Variants in CFAP299 observed in about 807,000 individuals in gnomAD.
CFAP299 encodes cilia- and flagella-associated protein 299.
A neutral mutation model predicts 27.0 loss-of-function variants in CFAP299; 21 were observed. The ratio of observed to expected loss-of-function variants is 0.78; its 90% CI spans 0.55 to 1.12. CFAP299 has a LOEUF of 1.12. Among genes scored for constraint, CFAP299 ranks in the 50% most tolerant of loss-of-function variants. CFAP299 has a pLI of 0.00. For synonymous variants in CFAP299, 104 were observed against 98.1 expected (o/e 1.06, Z -0.36); for missense variants, 310 against 276.6 (o/e 1.12, Z -0.86).
upstream of CFAP299, among the ~76,000 whole-genome samples, chr4:80,334,229 A>G (rs1722039389): frequency 6.6e-6 from 1 of 152,216 alleles, no homozygotes; most frequent in Admixed American, 6.5e-5. Flanking sequence ...CACAATCACA[A>G]TTGATATAAT....
chr4:80,402,489 C>G (rs559261940), intron 2 of CFAP299, among the ~76,000 whole-genome samples: 1 of 152,294 alleles, frequency 6.6e-6, no homozygotes, highest in South Asian at 2.1e-4. Context: ...TCTGTTGCCA[C>G]CACCATGTAA....
At chr4:80,780,071 G>A (rs1433426092) in intron 3 of CFAP299, among the ~76,000 whole-genome samples, 4 of 151,742 alleles carry the variant, frequency 2.6e-5, no homozygotes, top group East Asian at 1.9e-4. Flanking sequence ...TGCCACAATT[G>A]TTCATTTTAT....
At chr4:80,492,681 G>A (rs1211245713) in intron 2 of CFAP299, among the ~76,000 whole-genome samples, 2 of 152,122 alleles carry the variant, frequency 1.3e-5, no homozygotes, top group Non-Finnish European at 2.9e-5. Flanking sequence ...ATTAAGGTAT[G>A]GTGAGGCCAA....
chr4:80,723,099 C>T (rs1722933476), intron 3 of CFAP299, among the ~76,000 whole-genome samples: 3 of 152,052 alleles, frequency 2.0e-5, no homozygotes, highest in Admixed American at 2.0e-4. Context: ...CTGACCATAC[C>T]AACTGTTGGC....
chr4:80,626,129 TTA>T (rs1351033637), intron 3 of CFAP299, among the ~76,000 whole-genome samples: 1 of 151,946 alleles, frequency 6.6e-6, no homozygotes, highest in Non-Finnish European at 1.5e-5. Flanking sequence ...CTAGGATAGA[TTA>T]TATGTTAGGC....
chr4:80,890,960 AG>A (rs1188666621), intron 4 of CFAP299, among the ~76,000 whole-genome samples: 1 of 151,684 alleles, frequency 6.6e-6, no homozygotes, highest in East Asian at 1.9e-4. Flanking sequence ...TCTGGATATT[AG>A]CCCTTTGTCA....
At chr4:80,797,921 G>A (rs111412056) in intron 3 of CFAP299, among the ~76,000 whole-genome samples, 1,539 of 152,154 alleles carry the variant, frequency 0.01, 23 homozygotes, top group African/African-American at 0.034. Context: ...AGCTAACCAA[G>A]CAAGTAAACT....
intron 3 of CFAP299, among the ~76,000 whole-genome samples, chr4:80,720,228 C>T (rs367668439): frequency 2.6e-5 from 4 of 151,982 alleles, no homozygotes; most frequent in Non-Finnish European, 5.9e-5. Context: ...ATCAGTGATA[C>T]GTAAGAATAA....
At chr4:80,906,290 GC>G (rs1210159050) in intron 4 of CFAP299, among the ~76,000 whole-genome samples, 1 of 152,198 alleles carries the variant, frequency 6.6e-6, no homozygotes, top group Non-Finnish European at 1.5e-5. Context: ...GGCTCCCACA[GC>G]CTTAGGCAGA....
chr4:80,597,205 C>T (rs1737099550), intron 3 of CFAP299, among the ~76,000 whole-genome samples: 1 of 151,700 alleles, frequency 6.6e-6, no homozygotes, highest in South Asian at 2.1e-4. Context: ...TATGAGAGTC[C>T]CTATTGCTTC....
chr4:80,717,767 TA>T (rs1338860239), intron 3 of CFAP299, among the ~76,000 whole-genome samples: 1 of 152,056 alleles, frequency 6.6e-6, no homozygotes, highest in Non-Finnish European at 1.5e-5. Context: ...TTTGTATAAG[TA>T]AAAAATGCAG....
At chr4:80,510,531 G>A (rs6843444) in intron 2 of CFAP299, among the ~76,000 whole-genome samples, 35,637 of 151,902 alleles carry the variant, frequency 0.23, 5,123 homozygotes, top group African/African-American at 0.41. Context: ...TTCTTGCGTC[G>A]TCCTCTGACC....
At chr4:80,575,810 A>G (rs1735825199) in intron 2 of CFAP299, among the ~76,000 whole-genome samples, 1 of 152,080 alleles carries the variant, frequency 6.6e-6, no homozygotes. Flanking sequence ...GCTGAATCCC[A>G]TAGGTTTTGG....
intron 4 of CFAP299, among the ~76,000 whole-genome samples, chr4:80,884,314 C>G (rs1223969663): frequency 1.3e-5 from 2 of 152,116 alleles, no homozygotes; most frequent in African/African-American, 4.8e-5. Flanking sequence ...GATCAAGTTT[C>G]TTGTTCAAGC....
At chr4:80,438,026 G>GA (rs1728175541) in intron 2 of CFAP299, among the ~76,000 whole-genome samples, 1 of 152,134 alleles carries the variant, frequency 6.6e-6, no homozygotes, top group Non-Finnish European at 1.5e-5. Context: ...GAACAAAACA[G>GA]AAAAAGCATC....
At chr4:80,779,496 C>A (rs955828411) in intron 3 of CFAP299, among the ~76,000 whole-genome samples, 11 of 151,984 alleles carry the variant, frequency 7.2e-5, no homozygotes, top group African/African-American at 2.7e-4. Context: ...TATTTGTCTT[C>A]TTTTCCCCTT....
intron 3 of CFAP299, among the ~76,000 whole-genome samples, chr4:80,734,345 T>G (rs1205782234): frequency 6.6e-6 from 1 of 152,158 alleles, no homozygotes; most frequent in Non-Finnish European, 1.5e-5. Context: ...TTGTTTGAGC[T>G]CCTTCTATAT....
At chr4:80,893,797 TG>T (rs1418288010) in intron 4 of CFAP299, among the ~76,000 whole-genome samples, 7 of 151,970 alleles carry the variant, frequency 4.6e-5, no homozygotes, top group Non-Finnish European at 8.8e-5. Flanking sequence ...TTCTGTACAT[TG>T]GTCTGGGCAA....
At chr4:80,823,867 C>T (rs1381468646) in intron 3 of CFAP299, among the ~76,000 whole-genome samples, 4 of 152,068 alleles carry the variant, frequency 2.6e-5, no homozygotes, top group Non-Finnish European at 5.9e-5. Context: ...TTGAGTAGAG[C>T]CTTTTGTAAA....
Sources: gnomAD v4.1 joint callset for allele counts (sites outside exome capture counted in the v4.1 genomes callset) on GRCh38, gnomAD v4.1.1 for gene constraint, MANE v1.5 for transcripts, NCBI Gene and HGNC (gene_info 2026-07-23, HGNC 2026-07-21) for gene names.